MTCH1: variants seen among roughly 807,000 people sequenced by gnomAD.
MTCH1 encodes the protein mitochondrial carrier 1.
A neutral mutation model predicts 49.3 loss-of-function variants in MTCH1; 23 were observed. The observed-to-expected ratio is 0.47, with a 90% CI of 0.34 to 0.66. MTCH1 has a LOEUF of 0.66. MTCH1 is among the 30% of genes least tolerant of loss of function. The pLI is 0.01. For missense variants in MTCH1, 397 were observed against 532.1 expected (o/e 0.75, Z 2.50); for synonymous variants, 229 against 215.2 (o/e 1.06, Z -0.56).
chr6:36,981,747 CTTGCCCCCT>C, intron 1 of MTCH1, 75 bp from the exon 2 acceptor site: 1 of 1,260,888 alleles, frequency 7.9e-7, no homozygotes, highest in East Asian at 2.6e-5. Context: ...CCTCACACCT[CTTGCCCCCT>C]TTGCTTAACT....
intron 7 of MTCH1, 44 bp downstream of exon 7, chr6:36,975,614 G>C (rs1763851128): frequency 1.9e-6 from 3 of 1,586,374 alleles, no homozygotes; most frequent in Non-Finnish European, 2.6e-6. Context: ...CCTGTTAGCA[G>C]AGCCATGCCC....
intron 1 of MTCH1, among the ~76,000 whole-genome samples, chr6:36,981,979 C>T (rs1188928115): frequency 1.3e-5 from 2 of 152,210 alleles, no homozygotes; most frequent in African/African-American, 4.8e-5. Context: ...GAGAAACCTC[C>T]ATTTGTATGT....
upstream of MTCH1, chr6:36,986,306 C>T: frequency 5.9e-6 from 5 of 848,700 alleles, no homozygotes; most frequent in South Asian, 7.0e-5. Context: ...GGGTGGGACA[C>T]GCCGGATGTG....
chr6:36,986,218 GC>G (rs562359471), upstream of MTCH1: 356 of 1,385,132 alleles, frequency 2.6e-4, 2 homozygotes, highest in South Asian at 4.5e-3. Flanking sequence ...ACGGGGCCAC[GC>G]CCCCTCACCG....
chr6:36,986,218 G>GC (rs562359471), upstream of MTCH1: 120 of 1,385,136 alleles, frequency 8.7e-5, no homozygotes, highest in African/African-American at 7.3e-4. Context: ...ACGGGGCCAC[G>GC]CCCCCTCACC....
At chr6:36,976,593 G>A (rs1320956024) in intron 6 of MTCH1, 2 of 470,866 alleles carry the variant, frequency 4.2e-6, no homozygotes. Context: ...TGGCCCCGCA[G>A]GACAGCTGCA....
chr6:36,979,285 G>A (rs191342201), intron 2 of MTCH1, among the ~76,000 whole-genome samples: 1 of 152,310 alleles, frequency 6.6e-6, no homozygotes, highest in East Asian at 1.9e-4. Context: ...AAACTTAAAT[G>A]TTATGGAAGC....
chr6:36,985,692 A>C (rs1764276837), intron 1 of MTCH1, among the ~76,000 whole-genome samples, 161 bp downstream of exon 1: 2 of 148,802 alleles, frequency 1.3e-5, no homozygotes, highest in African/African-American at 2.5e-5. Flanking sequence ...CAACTCCCTC[A>C]CGGCTTCCCT....
Position 36,968,666 on chromosome 6 carries a change from C to T in MTCH1, c.*237G>A. 1.6e-6 allele frequency: 1 copy of T among 629,682 alleles called. No individual in the cohort carries two copies. Among genetic ancestry groups the T allele is most frequent in the East Asian group, 3.6e-5 (1 of 28,158 alleles). 39.0% of individuals were successfully genotyped at this position (629,682 alleles called of 1,614,324 possible). ...CTGCGAGGTATGGGGATTCTGCCAA[C>T]TCCCCACCTCGCCTCACCTTCCCTA... On this transcript the variant is annotated 3_prime_UTR_variant, in exon 12 of 12. Transcript: ENST00000373627.
intron 7 of MTCH1, among the ~76,000 whole-genome samples, chr6:36,974,644 C>T (rs1763800197): frequency 6.6e-6 from 1 of 152,210 alleles, no homozygotes; most frequent in Non-Finnish European, 1.5e-5. Context: ...TGTCTCCGGA[C>T]ACTGCCGATG....
rs1329913530 is a variant in MTCH1 at position 36,982,416 on chromosome 6, T to C, written c.322-744A>G. ...TTTTTGAGATGGAGTTTCACTCTTG[T>C]TGCCCAGGATGGAGTGCAATGGCGT... On this transcript the variant is annotated intron_variant, in intron 1 of 11. Coordinates refer to ENST00000373627, the MANE Select transcript of MTCH1 (RefSeq NM_001271641.2). The surrounding 1 kb of genome is among the most constrained non-coding windows in gnomAD (Gnocchi z 4.1). Among the ~76,000 whole-genome samples the C allele has an allele frequency of 6.6e-6, 1 of 152,010 alleles. No individual in the cohort carries two copies. The highest frequency in any genetic ancestry group is 1.5e-5 in the Non-Finnish European group (1 of 68,000).
At position 36,972,406 on chromosome 6, in the gene MTCH1, C is replaced by G. The variant is rs1429682969; in HGVS notation, c.906+246G>C. Among the ~76,000 whole-genome samples, 1 of 146,982 alleles carries G rather than the reference C, an allele frequency of 6.8e-6. No individual in the cohort carries two copies. The highest frequency in any genetic ancestry group is 2.5e-5 in the African/African-American group (1 of 40,026). On this transcript the variant is annotated intron_variant, in intron 8 of 11. Transcript: ENST00000373627. The surrounding 1 kb of genome is among the most constrained non-coding windows in gnomAD (Gnocchi z 4.1). Reference sequence around the variant, plus strand: ...CTGCCTCGGAGCAGCCTTAGATAAGCTGGGGTCTGTTTCTAAGGCGCCCAG... The same window carrying G: ...CTGCCTCGGAGCAGCCTTAGATAAGGTGGGGTCTGTTTCTAAGGCGCCCAG...
chr6:36,984,985 C>T (rs1764244330), intron 1 of MTCH1, among the ~76,000 whole-genome samples: 1 of 151,948 alleles, frequency 6.6e-6, no homozygotes, highest in Non-Finnish European at 1.5e-5. Context: ...CCAAATGCGT[C>T]ATCCCCCTTC....
In MTCH1 at chr6:36,982,109, C is replaced by G. The variant is rs1164686573; in HGVS notation, c.322-437G>C. 6.6e-6 allele frequency among the ~76,000 whole-genome samples: 1 copy of G among 152,172 alleles called. No individual in the cohort carries two copies. Among genetic ancestry groups the G allele is most frequent in the East Asian group, 1.9e-4 (1 of 5,200 alleles). ...AAGAAAATACATCATACCCAAACCT[C>G]AGACAGGTCAGCCATTAAGTCATCT... is the stretch of plus-strand genomic sequence containing the variant. On this transcript the variant is annotated intron_variant, in intron 1 of 11. Coordinates refer to ENST00000373627, the MANE Select transcript of MTCH1 (RefSeq NM_001271641.2). The surrounding 1 kb of genome is among the most constrained non-coding windows in gnomAD (Gnocchi z 4.1).
chr6:36,970,579 G>C (rs1763648877), intron 9 of MTCH1, 68 bp downstream of exon 9: 1 of 1,609,144 alleles, frequency 6.2e-7, no homozygotes, highest in Admixed American at 1.7e-5. Context: ...CCATTACCAG[G>C]GTTGGCCTCC....
Position 36,977,505 on chromosome 6 carries a change from A to G in MTCH1, c.649+129T>C. ...TCAGTGAGGTGGGTTCCAGTAGAAT[A>G]CCCCCAACCCCACTACCACTTCCCA... On this transcript the variant is annotated intron_variant, in intron 5 of 11. Transcript: ENST00000373627. This position sits in a 1 kb window ranked among gnomAD's most constrained non-coding sequence, Gnocchi z 5.4. 1 of 719,350 alleles carries G rather than the reference A, an allele frequency of 1.4e-6. No homozygotes were observed. The highest frequency in any genetic ancestry group is 2.4e-6 in the Non-Finnish European group (1 of 421,410). 44.6% of individuals were successfully genotyped at this position (719,350 alleles called of 1,614,324 possible).
At chr6:36,983,591 T>C (rs549883777) in intron 1 of MTCH1, among the ~76,000 whole-genome samples, 2 of 152,272 alleles carry the variant, frequency 1.3e-5, no homozygotes, top group African/African-American at 4.8e-5. Flanking sequence ...CCCAAGTCAT[T>C]AAACCCAATT....
chr6:36,979,171 C>T (rs1168664618), intron 2 of MTCH1, among the ~76,000 whole-genome samples: 1 of 152,106 alleles, frequency 6.6e-6, no homozygotes, highest in Non-Finnish European at 1.5e-5. Context: ...CTGTGCTACA[C>T]CCAGGATACC....
chr6:36,985,766 A>G (rs2150755600), intron 1 of MTCH1, 87 bp downstream of exon 1: 2 of 473,814 alleles, frequency 4.2e-6, no homozygotes, highest in East Asian at 2.0e-4. Flanking sequence ...ATCCGTCGCC[A>G]TTGACTGCCC....
Sources: allele counts gnomAD v4.1 joint callset (sites outside exome capture counted in the v4.1 genomes callset), GRCh38; gene constraint gnomAD v4.1.1; non-coding constraint Gnocchi (gnomAD v3.1); transcripts MANE v1.5; gene names NCBI Gene and HGNC (gene_info 2026-07-23, HGNC 2026-07-21).